AKAP8: variants seen among roughly 807,000 people sequenced by gnomAD.
AKAP8 encodes the protein A-kinase anchor protein 8.
AKAP8 carries 24 observed loss-of-function variants against 67.5 expected under a neutral mutation model. The observed-to-expected ratio is 0.36, with a 90% CI of 0.26 to 0.50. The LOEUF (loss-of-function observed/expected upper bound fraction) is 0.50. Ranked by LOEUF, AKAP8 falls within the 20% of genes least tolerant of loss-of-function variation. The pLI, the probability that AKAP8 is intolerant of heterozygous loss-of-function variation, is 0.97. For missense variants in AKAP8, 971 were observed against 955.9 expected (o/e 1.02, Z -0.21); for synonymous variants, 400 against 371.1 (o/e 1.08, Z -0.90).
intron 4 of AKAP8, among the ~76,000 whole-genome samples, 194 bp from the exon 5 acceptor site, chr19:15,373,534 C>T (rs1967199016): frequency 1.3e-5 from 2 of 152,142 alleles, no homozygotes; most frequent in Admixed American, 1.3e-4. Context: ...GAGCCCCTGG[C>T]CACAGGAATA....
In AKAP8 at chr19:15,372,831, G is replaced by A; in HGVS notation, c.861+20C>T. ...AAAAGAGAAGCGAAGGCGGCCGGAA[G>A]GAACCTTGCGAGGGCTTACCCGATC... On this transcript the variant is annotated intron_variant, in intron 5 of 13. Coordinates refer to ENST00000269701, the MANE Select transcript of AKAP8 (RefSeq NM_005858.4). 6.7e-7 allele frequency: 1 copy of A among 1,484,592 alleles called. No individual in the cohort carries two copies. The highest frequency in any genetic ancestry group is 1.5e-5 in the South Asian group (1 of 68,302). 92.0% of individuals were successfully genotyped at this position (1,484,592 alleles called of 1,614,324 possible).
intron 4 of AKAP8, 195 bp downstream of exon 4, chr19:15,373,591 C>A: frequency 2.2e-6 from 2 of 920,198 alleles, no homozygotes; most frequent in East Asian, 2.7e-5. Flanking sequence ...CCAACAACCA[C>A]GCCCAAGCCC....
Position 15,369,599 on chromosome 19 carries a change from G to A in AKAP8, c.1072+547C>T, listed in dbSNP as rs975346922. 2.0e-5 allele frequency among the ~76,000 whole-genome samples: 3 copies of A among 152,222 alleles called. No individual in the cohort carries two copies. Among genetic ancestry groups the A allele is most frequent in the African/African-American group, 7.2e-5 (3 of 41,466 alleles). The stretch of plus-strand genomic sequence containing the variant: ...ATTGGACATGAAGAGACCTGCTGAA[G>A]GGCGCCCGCCTCTCAAAGACCCAGT... On this transcript the variant is annotated intron_variant, in intron 8 of 13. Coordinates refer to ENST00000269701, the MANE Select transcript of AKAP8 (RefSeq NM_005858.4). The surrounding 1 kb of genome is among the most constrained non-coding windows in gnomAD (Gnocchi z 4.6).
At chr19:15,355,511 TG>T in intron 13 of AKAP8, 141 bp from the exon 14 acceptor site, 2 of 811,576 alleles carry the variant, frequency 2.5e-6, no homozygotes, top group East Asian at 5.3e-5. Flanking sequence ...GAATCCTACA[TG>T]TTCTCAGAGC....
chr19:15,370,366 T>C (rs1027057851), intron 7 of AKAP8, among the ~76,000 whole-genome samples, 187 bp from the exon 8 acceptor site: 4 of 152,030 alleles, frequency 2.6e-5, no homozygotes, highest in Admixed American at 2.6e-4. Context: ...GTGTGTCCTG[T>C]TATTACTCCT....
chr19:15,359,780 T>TA (rs1966935787), intron 12 of AKAP8, among the ~76,000 whole-genome samples: 1 of 152,166 alleles, frequency 6.6e-6, no homozygotes, highest in Non-Finnish European at 1.5e-5. Flanking sequence ...GTCTCTGTTT[T>TA]AGAGCCTGAC....
chr19:15,379,632 G>A lies in AKAP8; in HGVS notation c.19+81C>T, dbSNP rs1334254850. Reference sequence around the variant, plus strand: ...CAACCACGCTCGGGACGAAGGCCCGGCCGGCGGCAGTCTGCGCAGCGGCTG... The same window carrying A: ...CAACCACGCTCGGGACGAAGGCCCGACCGGCGGCAGTCTGCGCAGCGGCTG... On this transcript the variant is annotated intron_variant, in intron 1 of 13. Coordinates refer to ENST00000269701, the MANE Select transcript of AKAP8 (RefSeq NM_005858.4). 4.0e-6 allele frequency: 6 copies of A among 1,509,954 alleles called. No homozygotes were observed. In the South Asian group the frequency reaches 4.9e-5, roughly 12 times the overall value. The allele number at this position is 1,509,954 out of a possible 1,614,324, so 93.5% of individuals were successfully genotyped here.
chr19:15,363,738 T>C (rs941257141), intron 9 of AKAP8, among the ~76,000 whole-genome samples: 16 of 152,298 alleles, frequency 1.1e-4, no homozygotes, highest in African/African-American at 3.4e-4. Context: ...GGGGAAAAGA[T>C]TGAGAAATCG....
chr19:15,366,639 C>T lies in AKAP8; in HGVS notation c.1160+1596G>A, dbSNP rs901378242. ...GGAGTTTTTATTTGAGATAGAGTTT[C>T]GCTCTTGTTGCCCAGGCTGGAATGC... is the stretch of plus-strand genomic sequence containing the variant. On this transcript the variant is annotated intron_variant, in intron 9 of 13. Coordinates refer to ENST00000269701, the MANE Select transcript of AKAP8 (RefSeq NM_005858.4). Among the ~76,000 whole-genome samples, 4 of 151,730 alleles carry T rather than the reference C, an allele frequency of 2.6e-5. No individual in the cohort carries two copies. The East Asian group carries it at 7.7e-4, about 29-fold the overall frequency.
At chr19:15,371,923 G>A in intron 7 of AKAP8, 29 bp downstream of exon 7, 1 of 1,612,570 alleles carries the variant, frequency 6.2e-7, no homozygotes, top group Non-Finnish European at 8.5e-7. Flanking sequence ...TCCCACACTA[G>A]AGGCAAAAGG....
At chr19:15,377,206 T>C (rs1312760512) in intron 1 of AKAP8, among the ~76,000 whole-genome samples, 192 bp from the exon 2 acceptor site, 1 of 151,642 alleles carries the variant, frequency 6.6e-6, no homozygotes, top group East Asian at 1.9e-4. Flanking sequence ...CTGGCTGAGA[T>C]CAAAGCAGAA....
At chr19:15,364,203 C>T (rs1329252841) in intron 9 of AKAP8, among the ~76,000 whole-genome samples, 14 of 123,374 alleles carry the variant, frequency 1.1e-4, no homozygotes, top group East Asian at 5.4e-4. Context: ...CTCTTGTTGC[C>T]GAGGCTGGAG....
rs71176405 is a variant in AKAP8 at position 15,364,057 on chromosome 19, A to AAAAT, written c.1161-1810_1161-1807dup. Among the ~76,000 whole-genome samples, 394 of 83,030 alleles carry AAAAT rather than the reference A, an allele frequency of 4.7e-3. 5 individuals are homozygous for AAAAT. The highest frequency in any genetic ancestry group is 0.019 in the South Asian group (42 of 2,198). The allele number at this position is 83,030 out of a possible 152,430, so 54.5% of individuals were successfully genotyped here. A position where few individuals can be genotyped will look rare whatever the true frequency, so the allele number is the denominator to read the frequency against. ...GAGAAACACCCAAGAATGATCAATA[A>AAAAT]AAATAAATAAATAAATAAATAAATA... is the stretch of plus-strand genomic sequence containing the variant. On this transcript the variant is annotated intron_variant, in intron 9 of 13. Coordinates refer to ENST00000269701, the MANE Select transcript of AKAP8 (RefSeq NM_005858.4).
chr19:15,362,376 T>A, intron 9 of AKAP8, 125 bp from the exon 10 acceptor site: 1 of 745,672 alleles, frequency 1.3e-6, no homozygotes, highest in Non-Finnish European at 2.0e-6. Context: ...CCTCCCCCTC[T>A]CCCTCTCCCC....
At chr19:15,372,589 G>A (rs924395923) in intron 5 of AKAP8, among the ~76,000 whole-genome samples, 16 of 151,990 alleles carry the variant, frequency 1.1e-4, no homozygotes, top group African/African-American at 3.6e-4. Context: ...CAAATCCAGA[G>A]ACCAGTGGTG....
Position 15,354,551 on chromosome 19 carries a change from TAA to T in AKAP8, c.*362_*363del. The stretch of plus-strand genomic sequence containing the variant: ...TAGTATTCAGCTGTTCCCAACCAAA[TAA>T]AAAAAAAAATTAAGGAAAAAAATAA... On this transcript the variant is annotated 3_prime_UTR_variant, in exon 14 of 14. Coordinates refer to ENST00000269701, the MANE Select transcript of AKAP8 (RefSeq NM_005858.4). 4.9e-6 allele frequency: 1 copy of T among 205,220 alleles called. No individual in the cohort carries two copies. The highest frequency in any genetic ancestry group is 9.6e-6 in the Non-Finnish European group (1 of 104,502). The allele number at this position is 205,220 out of a possible 1,614,324, so 12.7% of individuals were successfully genotyped here. A position where few individuals can be genotyped will look rare whatever the true frequency, so the allele number is the denominator to read the frequency against.
chr19:15,373,231 C>A lies in AKAP8; in HGVS notation c.481G>T (p.Asp161Tyr). ...SYDYEFDLGSDRNGSFGGQYS... is the reference protein window; with the variant it reads ...SYDYEFDLGSYRNGSFGGQYS... ...TGCCCCCCAAAGCTGCCATTGCGGTCGGACCCCAGGTCGAACTCATAGTCG... is the reference window on the plus strand; with the variant it reads ...TGCCCCCCAAAGCTGCCATTGCGGTAGGACCCCAGGTCGAACTCATAGTCG... The change falls in exon 5 of 14, where the codon GAC becomes TAC. Residue 161 changes from aspartate to tyrosine, a missense_variant. Transcript: ENST00000269701. The A allele has an allele frequency of 6.2e-7, 1 of 1,613,968 alleles. No individual in the cohort carries two copies. Among genetic ancestry groups the A allele is most frequent in the South Asian group, 1.1e-5 (1 of 91,078 alleles).
intron 13 of AKAP8, among the ~76,000 whole-genome samples, chr19:15,356,940 C>T (rs1966892110): frequency 6.6e-6 from 1 of 152,028 alleles, no homozygotes; most frequent in African/African-American, 2.4e-5. Flanking sequence ...ACCATCCTGG[C>T]TAACACAGTG....
rs750181254 is a variant in AKAP8 at position 15,355,103 on chromosome 19, AG to A, written c.1890del (p.Cys631ValfsTer75). ...ACGCCCTTCTCATGTGCCGTTCCAC[AG>A]GGCACCTGCTCTTCCAGCAGCTGTT... ...QAEQLLEEQV[P>X]CGTAHEKGVP... On this transcript the variant is annotated frameshift_variant, in exon 14 of 14. Transcript: ENST00000269701. LOFTEE classifies it low-confidence loss of function (END_TRUNC). The A allele has an allele frequency of 6.2e-7, 1 of 1,613,824 alleles. No individual in the cohort carries two copies. The highest frequency in any genetic ancestry group is 1.3e-5 in the African/African-American group (1 of 75,028).
Sources: allele counts gnomAD v4.1 joint callset (sites outside exome capture counted in the v4.1 genomes callset), GRCh38; gene constraint gnomAD v4.1.1; non-coding constraint Gnocchi (gnomAD v3.1); transcripts MANE v1.5; gene names NCBI Gene and HGNC (gene_info 2026-07-23, HGNC 2026-07-21).